Variants in SNX25 observed in about 807,000 individuals in gnomAD.
The protein encoded by SNX25 is sorting nexin 25, also known as sorting nexin-25.
SNX25 carries 62 observed loss-of-function variants against 113.7 expected under a neutral mutation model. The ratio of observed to expected loss-of-function variants is 0.55; its 90% CI spans 0.44 to 0.67. The LOEUF is 0.67. Ranked by LOEUF, SNX25 falls within the 30% of genes least tolerant of loss-of-function variation. SNX25 has a pLI of 0.00. For missense variants in SNX25, 1,014 were observed against 1,161.0 expected, an observed-to-expected ratio of 0.87 and a Z score of 1.84; for synonymous variants, 421 against 436.2, an observed-to-expected ratio of 0.97 and a Z score of 0.43.
Position 185,264,549 on chromosome 4 carries a change from C to G in SNX25, c.843C>G (p.Pro281=), listed in dbSNP as rs774327186. 95 of 1,613,924 alleles carry G rather than the reference C, an allele frequency of 5.9e-5. 1 individual carries two copies. In the South Asian group the frequency reaches 1.0e-3, roughly 18 times the overall value. Residue 281 remains proline (P), a synonymous_variant, in exon 4 of 19, where the codon CCC becomes CCG. Coordinates refer to ENST00000652585, the MANE Select transcript of SNX25 (RefSeq NM_001378034.2). ...GGGTTCTGGTGTTTTGTCTCCTCCCCTCAAAGGATGTGCAGTCTCTCAGCT... is the reference window on the plus strand; with the variant it reads ...GGGTTCTGGTGTTTTGTCTCCTCCCGTCAAAGGATGTGCAGTCTCTCAGCT... ...CSRVLVFCLL[P]SKDVQSLSLR...
chr4:185,348,354 T>C (rs2095298381), intron 13 of SNX25, among the ~76,000 whole-genome samples: 2 of 152,334 alleles, frequency 1.3e-5, no homozygotes, highest in South Asian at 2.1e-4. Flanking sequence ...TGTACATATT[T>C]ATGAGGTACA....
chr4:185,239,257 A>G (rs113961641), intron 1 of SNX25, among the ~76,000 whole-genome samples: 37,532 of 128,696 alleles, frequency 0.29, 4,871 homozygotes, highest in African/African-American at 0.31. Context: ...CAAGGCGGGC[A>G]GATCACTTGA....
At chr4:185,288,625 GTA>G (rs556736409) in intron 6 of SNX25, among the ~76,000 whole-genome samples, 65 of 149,186 alleles carry the variant, frequency 4.4e-4, no homozygotes, top group African/African-American at 1.1e-3. Flanking sequence ...GGGGGGTGGT[GTA>G]TATATATATT....
At chr4:185,277,222 A>C (rs894376021) in intron 5 of SNX25, among the ~76,000 whole-genome samples, 11 of 152,144 alleles carry the variant, frequency 7.2e-5, no homozygotes, top group African/African-American at 2.7e-4. Flanking sequence ...ACTGGGTTTC[A>C]CCATGTTGGC....
Position 185,270,638 on chromosome 4 carries a change from A to G in SNX25, c.1091+3483A>G, listed in dbSNP as rs565269310. The stretch of plus-strand genomic sequence containing the variant: ...TACTATGTAATTTCAGAATATTTTC[A>G]TCACCCCAAAAAGAAACCCTGTGCC... On this transcript the variant is annotated intron_variant, in intron 5 of 18. Transcript: ENST00000652585. Among the ~76,000 whole-genome samples, 9 of 152,288 alleles carry G rather than the reference A, an allele frequency of 5.9e-5. No individual in the cohort carries two copies. The South Asian group carries it at 1.9e-3, about 32-fold the overall frequency.
chr4:185,219,926 A>AT (rs1430430091), intron 1 of SNX25, among the ~76,000 whole-genome samples: 2 of 101,650 alleles, frequency 2.0e-5, no homozygotes, highest in South Asian at 3.2e-4. Flanking sequence ...TTTTTTTCTG[A>AT]TTTTTTTCCA....
At position 185,332,667 on chromosome 4, in the gene SNX25, G is replaced by T; in HGVS notation, c.1822G>T (p.Ala608Ser). ...TCAGATCAATGAACAAGCCAGTTTT[G>T]CTGTAAACAAACTGCGAGAACTAAA... ...TNQINEQASFAVNKLRELNEK... is the reference protein window; with the variant it reads ...TNQINEQASFSVNKLRELNEK... Residue 608 changes from alanine to serine, a missense_variant, in exon 10 of 19, where the codon GCT becomes TCT. By Grantham distance (99) the Ala-to-Ser change is moderately conservative. Transcript: ENST00000652585. The T allele has an allele frequency of 1.2e-6, 2 of 1,614,106 alleles. No homozygotes were observed. The highest frequency in any genetic ancestry group is 1.7e-6 in the Non-Finnish European group (2 of 1,179,998).
At chr4:185,370,446 A>G (rs186014949), downstream of SNX25, among the ~76,000 whole-genome samples, 1 of 152,282 alleles carries the variant, frequency 6.6e-6, no homozygotes, top group Admixed American at 6.5e-5. Flanking sequence ...TAATCATTGG[A>G]GCTAAATTAT....
rs183613702 is a variant in SNX25 at position 185,210,602 on chromosome 4, G to C, written c.429+347G>C. 1.5e-3 allele frequency among the ~76,000 whole-genome samples: 230 copies of C among 152,212 alleles called. No individual in the cohort carries two copies. Among genetic ancestry groups the C allele is most frequent in the African/African-American group, 5.4e-3 (225 of 41,522 alleles). ...GGGGAAGAAGGGAATCACAGCGTTCGCTACGTGCAGGCTCTGCGCACGGTC... is the reference window on the plus strand; with the variant it reads ...GGGGAAGAAGGGAATCACAGCGTTCCCTACGTGCAGGCTCTGCGCACGGTC... On this transcript the variant is annotated intron_variant, in intron 1 of 18. Transcript: ENST00000652585. The surrounding 1 kb of genome is among the most constrained non-coding windows in gnomAD (Gnocchi z 4.4).
chr4:185,216,976 T>G (rs777059280), intron 1 of SNX25, among the ~76,000 whole-genome samples: 4 of 152,106 alleles, frequency 2.6e-5, no homozygotes, highest in Non-Finnish European at 5.9e-5. Context: ...GGAGCTAGGA[T>G]TAGAAAGGTA....
chr4:185,351,914 G>GGGGGT (rs2095317249), intron 14 of SNX25, among the ~76,000 whole-genome samples: 1 of 150,234 alleles, frequency 6.7e-6, no homozygotes, highest in Admixed American at 6.6e-5. Context: ...TGCGGGGTGG[G>GGGGGT]GGGGTTCATG....
At chr4:185,252,068 A>G (rs75887245) in intron 2 of SNX25, among the ~76,000 whole-genome samples, 2,845 of 152,064 alleles carry the variant, frequency 0.019, 54 homozygotes, top group Middle Eastern at 0.068. Context: ...TCAGCATTAT[A>G]TAAGCTAAAC....
chr4:185,378,110 T>G, the SNX25 span: 2 of 1,613,862 alleles, frequency 1.2e-6, no homozygotes, highest in South Asian at 2.2e-5. Context: ...CTGGAAAAAT[T>G]TTTGGTTTTT....
At chr4:185,283,537 T>C (rs1750942954) in intron 5 of SNX25, among the ~76,000 whole-genome samples, 1 of 152,188 alleles carries the variant, frequency 6.6e-6, no homozygotes, top group Admixed American at 6.5e-5. Context: ...GCAGTAAAGC[T>C]GGAAAGATGA....
downstream of SNX25, chr4:185,373,138 A>G: frequency 7.0e-7 from 1 of 1,438,230 alleles, no homozygotes; most frequent in Non-Finnish European, 9.7e-7. Flanking sequence ...ATTATAAGGG[A>G]ATACTAGACA....
rs568440408 is a variant in SNX25 at position 185,351,911 on chromosome 4, T to TG, written c.2466+309dup. Reference sequence around the variant, plus strand: ...CCAAGTGCGGGCCGTCATTGCGGGGTGGGGGGGTTCATGCTGAAGGTTCAC... The same window carrying TG: ...CCAAGTGCGGGCCGTCATTGCGGGGTGGGGGGGGTTCATGCTGAAGGTTCAC... On this transcript the variant is annotated intron_variant, in intron 14 of 18. Coordinates refer to ENST00000652585, the MANE Select transcript of SNX25 (RefSeq NM_001378034.2). Among the ~76,000 whole-genome samples, 28 of 127,876 alleles carry TG rather than the reference T, an allele frequency of 2.2e-4. 1 individual carries two copies. In the South Asian group the frequency reaches 3.3e-3, roughly 15 times the overall value. The allele number at this position is 127,876 out of a possible 152,430, so 83.9% of individuals were successfully genotyped here. A position where few individuals can be genotyped will look rare whatever the true frequency, so the allele number is the denominator to read the frequency against.
chr4:185,240,499 T>TG (rs1743637062), intron 1 of SNX25, among the ~76,000 whole-genome samples: 1 of 116,628 alleles, frequency 8.6e-6, no homozygotes, highest in African/African-American at 3.4e-5. Flanking sequence ...ACCTCCCGGA[T>TG]GGGGCGGCTG....
At chr4:185,331,076 C>T (rs2095191272) in intron 9 of SNX25, among the ~76,000 whole-genome samples, 2 of 152,186 alleles carry the variant, frequency 1.3e-5, no homozygotes, top group South Asian at 4.1e-4. Flanking sequence ...TCTACCTTCA[C>T]CTCGGATTCA....
chr4:185,272,536 C>T (rs1444094434), intron 5 of SNX25, among the ~76,000 whole-genome samples: 1 of 152,126 alleles, frequency 6.6e-6, no homozygotes, highest in Non-Finnish European at 1.5e-5. Flanking sequence ...CAAATAGGTG[C>T]CTCGGCTTCA....
Sources: gnomAD v4.1 joint callset for allele counts (sites outside exome capture counted in the v4.1 genomes callset) on GRCh38, gnomAD v4.1.1 for gene constraint, Gnocchi (gnomAD v3.1) non-coding constraint, MANE v1.5 for transcripts, NCBI Gene and HGNC (gene_info 2026-07-23, HGNC 2026-07-21) for gene names.